UTP18: variants seen among roughly 807,000 people sequenced by gnomAD.
The protein encoded by UTP18 is UTP18 small subunit processome component, also known as U3 small nucleolar RNA-associated protein 18 homolog.
UTP18 carries 36 observed loss-of-function variants against 61.1 expected under a neutral mutation model. The observed-to-expected ratio is 0.59, with a 90% CI of 0.45 to 0.78. UTP18 has a LOEUF of 0.78. Ranked by LOEUF, UTP18 falls within the 30% of genes least tolerant of loss-of-function variation. The pLI, the probability that UTP18 is intolerant of heterozygous loss-of-function variation, is 0.00. For missense variants in UTP18, 753 were observed against 693.9 expected (o/e 1.09, Z -0.96); for synonymous variants, 282 against 251.1 (o/e 1.12, Z -1.16).
intron 9 of UTP18, among the ~76,000 whole-genome samples, chr17:51,281,214 A>AG (rs1904910651): frequency 6.7e-6 from 1 of 150,044 alleles, no homozygotes; most frequent in African/African-American, 2.5e-5. Flanking sequence ...CTTTTTAGCT[A>AG]GAAAATCAGA....
chr17:51,260,723 CAGCGGAAACCGCCGGCCCGGCCG>C lies in UTP18; in HGVS notation c.144_166del (p.Lys49GlyfsTer63), dbSNP rs1271886043. 1 of 1,595,576 alleles carries C rather than the reference CAGCGGAAACCGCCGGCCCGGCCG, an allele frequency of 6.3e-7. No individual in the cohort carries two copies. Among genetic ancestry groups the C allele is most frequent in the East Asian group, 2.3e-5 (1 of 44,250 alleles). On this transcript the variant is annotated frameshift_variant, in exon 1 of 14. Coordinates refer to ENST00000225298, the MANE Select transcript of UTP18 (RefSeq NM_016001.3). LOFTEE classifies it high-confidence loss of function. ...TCCCCAAAAGCCTGCCCCTTCATCCCAGCGGAAACCGCCGGCCCGGCCGAGCGCGGCGGCCGCTGCGATTGCAG... is the reference window on the plus strand; with the variant it reads ...TCCCCAAAAGCCTGCCCCTTCATCCCAGCGCGGCGGCCGCTGCGATTGCAG...
chr17:51,267,364 A>G (rs1303622409), intron 3 of UTP18, among the ~76,000 whole-genome samples: 1 of 151,980 alleles, frequency 6.6e-6, no homozygotes, highest in Non-Finnish European at 1.5e-5. Flanking sequence ...TTCACATAAC[A>G]GTGTTAGGCA....
intron 5 of UTP18, among the ~76,000 whole-genome samples, chr17:51,274,644 G>T (rs557539865): frequency 9.4e-4 from 142 of 151,780 alleles, no homozygotes; most frequent in Middle Eastern, 3.4e-3. Flanking sequence ...TAGAGACAGG[G>T]TTTCTCCATG....
chr17:51,260,956 C>A (rs1363104427), intron 1 of UTP18, 30 bp downstream of exon 1: 3 of 1,466,718 alleles, frequency 2.0e-6, no homozygotes, highest in Admixed American at 2.8e-5. Context: ...GCGGGCTGGG[C>A]GCACTCGGGC....
chr17:51,290,901 G>A (rs1905221261), intron 11 of UTP18, among the ~76,000 whole-genome samples: 1 of 152,180 alleles, frequency 6.6e-6, no homozygotes, highest in African/African-American at 2.4e-5. Flanking sequence ...TAATGATCTA[G>A]ACGGTTTTGT....
At chr17:51,297,042 A>C (rs1401745415) in intron 13 of UTP18, 39 bp downstream of exon 13, 1 of 1,551,564 alleles carries the variant, frequency 6.4e-7, no homozygotes, top group East Asian at 2.3e-5. Flanking sequence ...GCAGGTTTTA[A>C]GATACACCCA....
rs987027824 is a variant in UTP18, at chr17:51,268,937, A to G, written c.622+33A>G. The G allele has an allele frequency of 8.2e-6, 13 of 1,592,022 alleles. No individual in the cohort carries two copies. In the East Asian group the frequency reaches 1.3e-4, roughly 16 times the overall value. ...TTGATATTTCTGTTTAAATTAGTACATAAGTCCCTGTTCCTGTTCGTTATT... is the reference window on the plus strand; with the variant it reads ...TTGATATTTCTGTTTAAATTAGTACGTAAGTCCCTGTTCCTGTTCGTTATT... On this transcript the variant is annotated intron_variant, in intron 4 of 13. Coordinates refer to ENST00000225298, the MANE Select transcript of UTP18 (RefSeq NM_016001.3).
intron 11 of UTP18, among the ~76,000 whole-genome samples, chr17:51,289,562 A>G (rs1217664223): frequency 6.6e-6 from 1 of 152,034 alleles, no homozygotes; most frequent in Non-Finnish European, 1.5e-5. Flanking sequence ...TCTGCCCAAC[A>G]TCAGAGCTCA....
intron 3 of UTP18, among the ~76,000 whole-genome samples, chr17:51,267,103 C>T (rs967549260): frequency 1.3e-5 from 2 of 152,196 alleles, no homozygotes; most frequent in Admixed American, 6.5e-5. Flanking sequence ...GCTGGGACTG[C>T]AGGTGTGTGC....
chr17:51,294,306 G>A (rs555740785), intron 12 of UTP18, among the ~76,000 whole-genome samples: 11 of 151,194 alleles, frequency 7.3e-5, no homozygotes, highest in South Asian at 4.2e-4. Context: ...CCATTAACTC[G>A]TCATTTAGCA....
At chr17:51,271,337 C>T (rs1205007107) in intron 4 of UTP18, among the ~76,000 whole-genome samples, 1 of 151,918 alleles carries the variant, frequency 6.6e-6, no homozygotes, top group Non-Finnish European at 1.5e-5. Context: ...GACAGGGTCT[C>T]ACTCTATCGC....
At chr17:51,297,065 G>A in intron 13 of UTP18, 62 bp downstream of exon 13, 1 of 1,400,254 alleles carries the variant, frequency 7.1e-7, no homozygotes, top group Non-Finnish European at 9.9e-7. Flanking sequence ...GCTGTCAGTT[G>A]GTGGAAGCAG....
At chr17:51,287,946 G>A in intron 10 of UTP18, 83 bp from the exon 11 acceptor site, 1 of 1,060,744 alleles carries the variant, frequency 9.4e-7, no homozygotes, top group Non-Finnish European at 1.3e-6. Context: ...ATACCAGTTT[G>A]TGGGGTTAAA....
At position 51,269,354 on chromosome 17, in the gene UTP18, G is replaced by A. The variant is rs565096196; in HGVS notation, c.622+450G>A. On this transcript the variant is annotated intron_variant, in intron 4 of 13. Coordinates refer to ENST00000225298, the MANE Select transcript of UTP18 (RefSeq NM_016001.3). The stretch of plus-strand genomic sequence containing the variant: ...AAAAAAATCTGTTTTTTGACTGTAG[G>A]TTTTAAATTTAACTTGTACCATGGC... 1.7e-3 allele frequency among the ~76,000 whole-genome samples: 249 copies of A among 145,774 alleles called. 3 individuals carry two copies. Among genetic ancestry groups the A allele is most frequent in the African/African-American group, 5.8e-3 (229 of 39,532 alleles).
At chr17:51,281,384 C>T (rs1397911491) in intron 9 of UTP18, among the ~76,000 whole-genome samples, 3 of 151,934 alleles carry the variant, frequency 2.0e-5, no homozygotes, top group African/African-American at 7.3e-5. Flanking sequence ...TATGATTCCC[C>T]ATGCTATGAA....
intron 4 of UTP18, 104 bp from the exon 5 acceptor site, chr17:51,273,258 G>A: frequency 1.4e-6 from 1 of 725,594 alleles, no homozygotes; most frequent in Non-Finnish European, 2.1e-6. Context: ...TAGGGAGGCT[G>A]GAAAGGGAGT....
chr17:51,295,558 T>C (rs1337442505), intron 12 of UTP18, among the ~76,000 whole-genome samples: 1 of 152,232 alleles, frequency 6.6e-6, no homozygotes, highest in Admixed American at 6.5e-5. Context: ...CATTGGTCTA[T>C]ATCTCTGTTT....
chr17:51,261,181 C>A (rs1221504688), intron 1 of UTP18, among the ~76,000 whole-genome samples: 1 of 152,262 alleles, frequency 6.6e-6, no homozygotes, highest in African/African-American at 2.4e-5. Context: ...ATCTGCTTTG[C>A]GAACTGTGGT....
In UTP18 at chr17:51,288,014, C is replaced by A; in HGVS notation, c.1329-15C>A. On this transcript the variant is annotated splice_polypyrimidine_tract_variant and intron_variant, in intron 10 of 13. Transcript: ENST00000225298. ...ACTTGGTTTTTAATCTATTTTAATC[C>A]TTTTCTCTTTGTAGTTCTAATTGTG... 1 of 1,547,022 alleles carries A rather than the reference C, an allele frequency of 6.5e-7. No individual in the cohort carries two copies. The highest frequency in any genetic ancestry group is 8.7e-7 in the Non-Finnish European group (1 of 1,153,240).
Sources: gnomAD v4.1 joint callset for allele counts (sites outside exome capture counted in the v4.1 genomes callset) on GRCh38, gnomAD v4.1.1 for gene constraint, MANE v1.5 for transcripts, NCBI Gene and HGNC (gene_info 2026-07-23, HGNC 2026-07-21) for gene names.